LHFPL3: variants seen among roughly 807,000 people sequenced by gnomAD.
LHFPL3 encodes LHFPL tetraspan subfamily member 3 protein.
LHFPL3 carries 5 observed loss-of-function variants against 19.3 expected under a neutral mutation model. The ratio of observed to expected loss-of-function variants is 0.26; its 90% CI spans 0.14 to 0.54. The LOEUF (loss-of-function observed/expected upper bound fraction) is 0.54, where lower values mean the gene tolerates loss of function less well. LHFPL3 is among the 20% of genes least tolerant of loss of function. The pLI, the probability that LHFPL3 is intolerant of heterozygous loss-of-function variation, is 0.94. For missense variants in LHFPL3, 249 were observed against 307.4 expected, an observed-to-expected ratio of 0.81 and a Z score of 1.42; for synonymous variants, 133 against 126.2, an observed-to-expected ratio of 1.05 and a Z score of -0.36.
At chr7:104,687,363 C>T (rs1792826085) in intron 1 of LHFPL3, among the ~76,000 whole-genome samples, 1 of 152,158 alleles carries the variant, frequency 6.6e-6, no homozygotes, top group Non-Finnish European at 1.5e-5. Flanking sequence ...AGAACTCAGT[C>T]TTTTTGGGTT....
intron 2 of LHFPL3, among the ~76,000 whole-genome samples, chr7:104,754,070 G>C (rs1199119740): frequency 1.3e-5 from 2 of 152,130 alleles, no homozygotes; most frequent in Admixed American, 1.3e-4. Flanking sequence ...CATTACTTGT[G>C]GTGGGGAGTT....
chr7:104,756,571 C>A (rs184678021), intron 2 of LHFPL3, among the ~76,000 whole-genome samples: 1 of 152,322 alleles, frequency 6.6e-6, no homozygotes, highest in East Asian at 1.9e-4. Context: ...GCCCTCTCAG[C>A]TCACTGCAAC....
Position 104,415,254 on chromosome 7 carries a change from A to G in LHFPL3, c.445+86030A>G, listed in dbSNP as rs1268958514. On this transcript the variant is annotated intron_variant, in intron 1 of 2. Transcript: ENST00000424859. Reference sequence around the variant, plus strand: ...CATACTCTGTAATGCCAACAACAGAATAGTGAAGGCACAGTTTCTGACTTG... The same window carrying G: ...CATACTCTGTAATGCCAACAACAGAGTAGTGAAGGCACAGTTTCTGACTTG... 2.0e-5 allele frequency among the ~76,000 whole-genome samples: 3 copies of G among 152,234 alleles called. No individual in the cohort carries two copies. The East Asian group carries it at 5.8e-4, about 29-fold the overall frequency.
In LHFPL3 at chr7:104,602,898, A is replaced by C. The variant is rs1790996309; in HGVS notation, c.446-133777A>C. On this transcript the variant is annotated intron_variant, in intron 1 of 2. Transcript: ENST00000424859. ...ACAAGAGAGAAAAGGGGCTGAACTCATCCATTTTATCAGGAACACACTCCC... is the reference window on the plus strand; with the variant it reads ...ACAAGAGAGAAAAGGGGCTGAACTCCTCCATTTTATCAGGAACACACTCCC... Among the ~76,000 whole-genome samples the C allele has an allele frequency of 2.0e-5, 3 of 152,148 alleles. No individual in the cohort carries two copies. The South Asian group carries it at 6.2e-4, about 32-fold the overall frequency.
At chr7:104,775,473 T>G (rs1035969860) in intron 2 of LHFPL3, among the ~76,000 whole-genome samples, 22 of 152,208 alleles carry the variant, frequency 1.4e-4, no homozygotes, top group African/African-American at 4.8e-4. Context: ...AGCCTTGGCT[T>G]TCTCTTAATA....
At chr7:104,636,913 G>A (rs1791739110) in intron 1 of LHFPL3, among the ~76,000 whole-genome samples, 1 of 152,152 alleles carries the variant, frequency 6.6e-6, no homozygotes, top group Non-Finnish European at 1.5e-5. Context: ...TAATTGGATT[G>A]CTGGGTTGAA....
intron 1 of LHFPL3, among the ~76,000 whole-genome samples, chr7:104,416,363 G>C (rs1163537059): frequency 6.6e-6 from 1 of 152,184 alleles, no homozygotes; most frequent in African/African-American, 2.4e-5. Context: ...ACAAATATCT[G>C]TTGTTGAAGC....
At chr7:104,347,486 C>A (rs1057226147) in intron 1 of LHFPL3, among the ~76,000 whole-genome samples, 1 of 152,140 alleles carries the variant, frequency 6.6e-6, no homozygotes, top group Non-Finnish European at 1.5e-5. Context: ...TGAAGGGTTG[C>A]AAGGAGCTGT....
chr7:104,666,577 A>G (rs1453446339), intron 1 of LHFPL3, among the ~76,000 whole-genome samples: 5 of 106,948 alleles, frequency 4.7e-5, no homozygotes, highest in African/African-American at 1.8e-4. Context: ...GCTGGAGTGC[A>G]GTGGCGGGAT....
chr7:104,639,564 T>A (rs191815660), intron 1 of LHFPL3, among the ~76,000 whole-genome samples: 234 of 152,356 alleles, frequency 1.5e-3, no homozygotes, highest in Non-Finnish European at 3.0e-3. Flanking sequence ...CTTTTTCAAC[T>A]ATTTTTATGT....
At chr7:104,696,287 G>C (rs763735223) in intron 1 of LHFPL3, among the ~76,000 whole-genome samples, 2 of 152,180 alleles carry the variant, frequency 1.3e-5, no homozygotes, top group Non-Finnish European at 2.9e-5. Flanking sequence ...TGTAAACTAG[G>C]ATTAATTCCT....
chr7:104,570,705 G>T (rs73409785), intron 1 of LHFPL3, among the ~76,000 whole-genome samples: 10,053 of 151,838 alleles, frequency 0.066, 512 homozygotes, highest in African/African-American at 0.15. Context: ...TTTATTTTAG[G>T]TTCGGGGGTA....
intron 1 of LHFPL3, among the ~76,000 whole-genome samples, chr7:104,646,104 T>C (rs1418895539): frequency 6.6e-6 from 1 of 152,114 alleles, no homozygotes; most frequent in Non-Finnish European, 1.5e-5. Flanking sequence ...ACTTACCAAA[T>C]AACCAAGAAC....
chr7:104,900,123 G>A (rs1308186904), intron 2 of LHFPL3, among the ~76,000 whole-genome samples: 6 of 152,198 alleles, frequency 3.9e-5, no homozygotes, highest in Non-Finnish European at 1.5e-5. Context: ...GGCTTCAATA[G>A]TAAAAGCCTT....
At chr7:104,620,624 T>C (rs1791427098) in intron 1 of LHFPL3, among the ~76,000 whole-genome samples, 1 of 152,094 alleles carries the variant, frequency 6.6e-6, no homozygotes, top group African/African-American at 2.4e-5. Flanking sequence ...ACAGCACCTC[T>C]AGCCAAATAG....
At chr7:104,361,547 G>C (rs185053420) in intron 1 of LHFPL3, among the ~76,000 whole-genome samples, 1 of 152,102 alleles carries the variant, frequency 6.6e-6, no homozygotes, top group Non-Finnish European at 1.5e-5. Context: ...CTTTGGCCCC[G>C]CACTACTTTG....
At chr7:104,439,212 T>C (rs971687754) in intron 1 of LHFPL3, among the ~76,000 whole-genome samples, 2 of 152,182 alleles carry the variant, frequency 1.3e-5, no homozygotes, top group African/African-American at 4.8e-5. Flanking sequence ...CCAAAACTGC[T>C]GGGATTACAG....
At chr7:104,770,433 T>C (rs1794531570) in intron 2 of LHFPL3, among the ~76,000 whole-genome samples, 2 of 152,320 alleles carry the variant, frequency 1.3e-5, no homozygotes, top group East Asian at 1.9e-4. Flanking sequence ...AGGTAAAAGA[T>C]TGGAGAAGTA....
intron 1 of LHFPL3, among the ~76,000 whole-genome samples, chr7:104,607,967 G>GA (rs1488613010): frequency 1.2e-4 from 18 of 152,282 alleles, no homozygotes; most frequent in African/African-American, 4.3e-4. Context: ...ACACCAGTTA[G>GA]AATGGCAATC....
Sources: gnomAD v4.1 joint callset for allele counts (sites outside exome capture counted in the v4.1 genomes callset) on GRCh38, gnomAD v4.1.1 for gene constraint, MANE v1.5 for transcripts, NCBI Gene and HGNC (gene_info 2026-07-23, HGNC 2026-07-21) for gene names.